GRAMD1B: variants seen among roughly 807,000 people sequenced by gnomAD.
GRAMD1B encodes the protein protein Aster-B.
A neutral mutation model predicts 99.7 loss-of-function variants in GRAMD1B; 37 were observed. The ratio of observed to expected loss-of-function variants is 0.37; its 90% confidence interval spans 0.29 to 0.49. GRAMD1B has a LOEUF of 0.49. Ranked by LOEUF, GRAMD1B falls within the 20% of genes least tolerant of loss-of-function variation. GRAMD1B has a pLI of 0.98. For missense variants in GRAMD1B, 888 were observed against 1,009.2 expected, an observed-to-expected ratio of 0.88 and a Z score of 1.63; for synonymous variants, 427 against 387.6, an observed-to-expected ratio of 1.10 and a Z score of -1.19.
intron 2 of GRAMD1B, among the ~76,000 whole-genome samples, chr11:123,482,677 C>T (rs1014653929): frequency 3.9e-5 from 6 of 152,212 alleles, no homozygotes; most frequent in East Asian, 1.9e-4. Context: ...GACCATATTT[C>T]GTGTATTATT....
intron 1 of GRAMD1B, among the ~76,000 whole-genome samples, chr11:123,418,264 G>A (rs903803670): frequency 1.3e-5 from 2 of 152,166 alleles, no homozygotes; most frequent in African/African-American, 4.8e-5. Context: ...TGGGCAGCAC[G>A]AGAACACAAG....
At chr11:123,391,701 C>T (rs1947287393) in intron 1 of GRAMD1B, among the ~76,000 whole-genome samples, 1 of 152,210 alleles carries the variant, frequency 6.6e-6, no homozygotes, top group Non-Finnish European at 1.5e-5. Flanking sequence ...ATTGATCCGC[C>T]CACCTTGGCC....
intron 1 of GRAMD1B, among the ~76,000 whole-genome samples, chr11:123,405,464 C>T: frequency 6.6e-6 from 1 of 152,160 alleles, no homozygotes; most frequent in Non-Finnish European, 1.5e-5. Flanking sequence ...AGATGCAAAT[C>T]CCTGCTAACT....
chr11:123,598,280 T>C (rs1951533549), intron 7 of GRAMD1B: 2 of 1,349,364 alleles, frequency 1.5e-6, no homozygotes, highest in Non-Finnish European at 2.1e-6. Context: ...CAGTAGGGAA[T>C]GGGTTTGCCA....
At chr11:123,511,006 T>C (rs1940950477) in intron 2 of GRAMD1B, among the ~76,000 whole-genome samples, 1 of 152,188 alleles carries the variant, frequency 6.6e-6, no homozygotes, top group Admixed American at 6.5e-5. Flanking sequence ...TCCGTTGTTT[T>C]CTTTAGCCTT....
chr11:123,466,448 AAG>A (rs1157590903), intron 1 of GRAMD1B, among the ~76,000 whole-genome samples: 11 of 145,764 alleles, frequency 7.5e-5, no homozygotes, highest in Admixed American at 2.0e-4. Flanking sequence ...GAAAGAAAGA[AAG>A]AGAAAGAAAG....
intron 1 of GRAMD1B, among the ~76,000 whole-genome samples, chr11:123,378,441 GGCT>G (rs1270112239): frequency 6.6e-6 from 1 of 152,192 alleles, no homozygotes; most frequent in East Asian, 1.9e-4. Flanking sequence ...CACTGTCTAA[GGCT>G]TTTATCAAAT....
chr11:123,369,603 G>A (rs1946450914), intron 1 of GRAMD1B, among the ~76,000 whole-genome samples: 1 of 152,152 alleles, frequency 6.6e-6, no homozygotes, highest in Non-Finnish European at 1.5e-5. Flanking sequence ...CAGGCACGGT[G>A]GCTCATGCCT....
intron 2 of GRAMD1B, among the ~76,000 whole-genome samples, chr11:123,546,424 C>G (rs1370569803): frequency 6.6e-6 from 1 of 152,208 alleles, no homozygotes; most frequent in Non-Finnish European, 1.5e-5. Context: ...GTATTCAGCT[C>G]AAGGTTTCTT....
At chr11:123,615,716 A>C (rs1954281071) in intron 17 of GRAMD1B, among the ~76,000 whole-genome samples, 1 of 152,248 alleles carries the variant, frequency 6.6e-6, no homozygotes, top group African/African-American at 2.4e-5. Context: ...CAGGTGCCAT[A>C]GGTTATCCAG....
chr11:123,442,931 G>C (rs545554868), intron 1 of GRAMD1B, among the ~76,000 whole-genome samples: 1 of 151,878 alleles, frequency 6.6e-6, no homozygotes, highest in African/African-American at 2.4e-5. Context: ...TGGTCATGGC[G>C]CTGGTGGGAG....
chr11:123,388,218 C>T (rs1031692728), intron 1 of GRAMD1B, among the ~76,000 whole-genome samples: 3 of 151,582 alleles, frequency 2.0e-5, no homozygotes, highest in Non-Finnish European at 4.4e-5. Flanking sequence ...GCAAACACTA[C>T]CTTAGTGCTA....
At position 123,520,789 on chromosome 11, in the gene GRAMD1B, A is replaced by AG. The variant is rs1270437534; in HGVS notation, c.452+39896_452+39897insG. Among the ~76,000 whole-genome samples, 8 of 150,466 alleles carry AG rather than the reference A, an allele frequency of 5.3e-5. No individual in the cohort carries two copies. The East Asian group carries it at 1.5e-3, about 29-fold the overall frequency. ...GTGAGACCCTGTCAAAAAAAAAAAA[A>AG]AAAAGAAAGAAAGAAAAAGGAAAAT... On this transcript the variant is annotated intron_variant, in intron 2 of 19. Transcript: ENST00000635736.
At chr11:123,532,929 T>G (rs1209587143) in intron 2 of GRAMD1B, among the ~76,000 whole-genome samples, 1 of 152,224 alleles carries the variant, frequency 6.6e-6, no homozygotes, top group Non-Finnish European at 1.5e-5. Flanking sequence ...GTTTGCTGCC[T>G]CTAGTTTAAG....
intron 2 of GRAMD1B, among the ~76,000 whole-genome samples, chr11:123,541,887 A>G (rs1944574459): frequency 6.6e-6 from 1 of 152,166 alleles, no homozygotes; most frequent in Non-Finnish European, 1.5e-5. Flanking sequence ...TTGATATAAT[A>G]TTATATCTAC....
chr11:123,618,607 G>A (rs1377678114), intron 17 of GRAMD1B, 86 bp from the exon 18 acceptor site: 2 of 857,438 alleles, frequency 2.3e-6, no homozygotes, highest in East Asian at 2.5e-5. Flanking sequence ...CCACCGGTCA[G>A]GGACAGCAGC....
upstream of GRAMD1B, among the ~76,000 whole-genome samples, chr11:123,428,436 G>A (rs543395405): frequency 2.0e-5 from 3 of 152,340 alleles, no homozygotes; most frequent in South Asian, 6.2e-4. Context: ...ACTCCTGAGA[G>A]GGCCAGTGGC....
chr11:123,519,477 G>A (rs550956641), intron 2 of GRAMD1B, among the ~76,000 whole-genome samples: 9 of 152,288 alleles, frequency 5.9e-5, no homozygotes, highest in South Asian at 2.1e-4. Context: ...TTCCTCCCCC[G>A]CTGCTCCTCT....
chr11:123,616,515 G>T (rs1954410881), intron 17 of GRAMD1B, among the ~76,000 whole-genome samples: 1 of 152,222 alleles, frequency 6.6e-6, no homozygotes, highest in South Asian at 2.1e-4. Flanking sequence ...AAGTAGAGAA[G>T]GCCTGCACCC....
Sources: gnomAD v4.1 joint callset for allele counts (sites outside exome capture counted in the v4.1 genomes callset) on GRCh38, gnomAD v4.1.1 for gene constraint, MANE v1.5 for transcripts, NCBI Gene and HGNC (gene_info 2026-07-23, HGNC 2026-07-21) for gene names.